The following PGCKA1 variants were observed in gnomAD, a reference collection of about 807,000 sequenced individuals.
The protein encoded by PGCKA1 is PDCD10 and GCKIII kinases associated 1, also known as PDCD10 and GCKIII kinases-associated protein 1.
the PGCKA1 span, among the ~76,000 whole-genome samples, chr4:37,523,687 A>T: frequency 2.4e-4 from 37 of 152,306 alleles, no homozygotes; most frequent in African/African-American, 7.9e-4. Context: ...TGTACATAAC[A>T]TTCCTGTCTT....
At chr4:37,593,015 A>G in the PGCKA1 span, among the ~76,000 whole-genome samples, 1 of 152,190 alleles carries the variant, frequency 6.6e-6, no homozygotes, top group African/African-American at 2.4e-5. Flanking sequence ...TAATGAGCCT[A>G]TGGGTTTGTT....
At chr4:37,507,777 T>C in the PGCKA1 span, among the ~76,000 whole-genome samples, 2 of 152,190 alleles carry the variant, frequency 1.3e-5, no homozygotes, top group Non-Finnish European at 2.9e-5. Flanking sequence ...ATTAGTTTTA[T>C]ACCTTCAGAT....
the PGCKA1 span, among the ~76,000 whole-genome samples, chr4:37,505,707 G>T: frequency 0.18 from 26,658 of 152,066 alleles, 2,859 homozygotes; most frequent in Non-Finnish European, 0.24. Flanking sequence ...GAACAGCATG[G>T]GAAAGACCTG....
At chr4:37,534,868 C>G in the PGCKA1 span, among the ~76,000 whole-genome samples, 3 of 152,336 alleles carry the variant, frequency 2.0e-5, no homozygotes, top group South Asian at 6.2e-4. Flanking sequence ...TGGAGGGACA[C>G]TAGTGTTCAG....
the PGCKA1 span, among the ~76,000 whole-genome samples, chr4:37,586,258 T>C: frequency 6.6e-6 from 1 of 152,170 alleles, no homozygotes; most frequent in African/African-American, 2.4e-5. Context: ...GCGACACGGC[T>C]GGCACAAACT....
the PGCKA1 span, among the ~76,000 whole-genome samples, chr4:37,522,369 C>T: frequency 1.3e-5 from 2 of 152,134 alleles, no homozygotes; most frequent in African/African-American, 4.8e-5. Context: ...CCATCTCAGA[C>T]CACAAAGAAT....
At chr4:37,507,577 G>T in the PGCKA1 span, among the ~76,000 whole-genome samples, 1 of 152,078 alleles carries the variant, frequency 6.6e-6, no homozygotes, top group East Asian at 1.9e-4. Context: ...TTTTAACTTT[G>T]TTCCCCACTT....
chr4:37,528,240 C>T, the PGCKA1 span, among the ~76,000 whole-genome samples: 2,512 of 152,264 alleles, frequency 0.016, 82 homozygotes, highest in African/African-American at 0.057. Context: ...AGAGCTTTGA[C>T]TCAGGGATTT....
the PGCKA1 span, among the ~76,000 whole-genome samples, chr4:37,530,533 C>A: frequency 6.8e-6 from 1 of 147,132 alleles, no homozygotes; most frequent in African/African-American, 2.5e-5. Context: ...GAGATCATGC[C>A]CCTGCACTCC....
chr4:37,575,995 A>G, the PGCKA1 span, among the ~76,000 whole-genome samples: 1 of 152,092 alleles, frequency 6.6e-6, no homozygotes, highest in Non-Finnish European at 1.5e-5. Context: ...ACCGATTACT[A>G]TATCTCTGTA....
chr4:37,457,032 G>A, the PGCKA1 span, among the ~76,000 whole-genome samples: 65 of 152,308 alleles, frequency 4.3e-4, no homozygotes, highest in Non-Finnish European at 6.6e-4. Flanking sequence ...TCATTGCAAT[G>A]TTCATGTGGA....
At chr4:37,503,342 C>G in the PGCKA1 span, among the ~76,000 whole-genome samples, 1 of 152,198 alleles carries the variant, frequency 6.6e-6, no homozygotes, top group African/African-American at 2.4e-5. Context: ...TCCAGGCACC[C>G]TCAGTGCCTT....
chr4:37,469,175 A>G, the PGCKA1 span, among the ~76,000 whole-genome samples: 1 of 152,210 alleles, frequency 6.6e-6, no homozygotes, highest in Non-Finnish European at 1.5e-5. Context: ...AGGCTCTACC[A>G]TCTAGGTTTG....
chr4:37,580,540 C>G, the PGCKA1 span, among the ~76,000 whole-genome samples: 1 of 152,156 alleles, frequency 6.6e-6, no homozygotes, highest in African/African-American at 2.4e-5. Flanking sequence ...GAGGTATCAC[C>G]TTGGTGGTCT....
At chr4:37,506,659 C>T in the PGCKA1 span, among the ~76,000 whole-genome samples, 2 of 150,550 alleles carry the variant, frequency 1.3e-5, no homozygotes, top group Non-Finnish European at 3.0e-5. Flanking sequence ...ATATTATTTC[C>T]ATTATTTAGA....
the PGCKA1 span, among the ~76,000 whole-genome samples, chr4:37,566,286 T>TA: frequency 6.6e-6 from 1 of 151,982 alleles, no homozygotes; most frequent in African/African-American, 2.4e-5. Context: ...TATTTTATTT[T>TA]TTTTTGCTTT....
At chr4:37,487,744 C>A in the PGCKA1 span, among the ~76,000 whole-genome samples, 1 of 152,150 alleles carries the variant, frequency 6.6e-6, no homozygotes. Flanking sequence ...ATGAATCATA[C>A]ATTTATATCA....
At chr4:37,583,365 G>C in the PGCKA1 span, among the ~76,000 whole-genome samples, 15,119 of 152,096 alleles carry the variant, frequency 0.099, 2,445 homozygotes, top group African/African-American at 0.33. Flanking sequence ...TACCCTCCCA[G>C]CAAGGAGGCT....
At chr4:37,580,305 A>ATTTTTTTTT in the PGCKA1 span, among the ~76,000 whole-genome samples, 1 of 130,878 alleles carries the variant, frequency 7.6e-6, no homozygotes, top group African/African-American at 3.0e-5. Context: ...CGGTGAGGTC[A>ATTTTTTTTT]TTTTTTTTTT....
Sources: gnomAD v4.1 joint callset for allele counts (sites outside exome capture counted in the v4.1 genomes callset) on GRCh38, gnomAD v4.1.1 for gene constraint, MANE v1.5 for transcripts, NCBI Gene and HGNC (gene_info 2026-07-23, HGNC 2026-07-21) for gene names.